The following AGAP1 variants were observed in gnomAD, a reference collection of about 807,000 sequenced individuals.
AGAP1 encodes arf-GAP with GTPase, ANK repeat and PH domain-containing protein 1.
In AGAP1, 29 loss-of-function variants were observed where a neutral mutation model predicts 105.3. The ratio of observed to expected loss-of-function variants is 0.28; its 90% confidence interval spans 0.21 to 0.38. AGAP1 has a LOEUF of 0.38. AGAP1 is among the 10% of genes least tolerant of loss of function. The pLI is 1.00. For missense variants in AGAP1, 998 were observed against 1,165.1 expected, an observed-to-expected ratio of 0.86 and a Z score of 2.09; for synonymous variants, 509 against 485.9, an observed-to-expected ratio of 1.05 and a Z score of -0.63.
intron 1 of AGAP1, among the ~76,000 whole-genome samples, chr2:235,687,546 GAT>G (rs1188709136): frequency 6.6e-6 from 1 of 152,204 alleles, no homozygotes; most frequent in East Asian, 1.9e-4. Flanking sequence ...TTTCCAAACA[GAT>G]ATATTGGATG....
intron 9 of AGAP1, among the ~76,000 whole-genome samples, chr2:235,819,696 GCTCT>G (rs1958674948): frequency 6.6e-6 from 1 of 151,830 alleles, no homozygotes; most frequent in Non-Finnish European, 1.5e-5. Context: ...TTGGGATCTT[GCTCT>G]CTATCTTCCC....
Position 235,692,997 on chromosome 2 carries a change from G to C in AGAP1, c.164-16182G>C, listed in dbSNP as rs998836669. Among the ~76,000 whole-genome samples the C allele has an allele frequency of 6.6e-6, 1 of 152,178 alleles. No homozygotes were observed. The highest frequency in any genetic ancestry group is 1.5e-5 in the Non-Finnish European group (1 of 68,030). On this transcript the variant is annotated intron_variant, in intron 1 of 17. Transcript: ENST00000304032. The surrounding 1 kb of genome is among the most constrained non-coding windows in gnomAD (Gnocchi z 5.8). ...GAGTGTGGCCTGCAGGCCAGTGGCTGAGGCCCAGTGTGGACTGTAGAGTGT... is the reference window on the plus strand; with the variant it reads ...GAGTGTGGCCTGCAGGCCAGTGGCTCAGGCCCAGTGTGGACTGTAGAGTGT...
rs1040997848 is a variant in AGAP1 at position 235,883,596 on chromosome 2, C to T, written c.1155+147C>T. 4 of 627,012 alleles carry T rather than the reference C, an allele frequency of 6.4e-6. No individual in the cohort carries two copies. The highest frequency in any genetic ancestry group is 1.1e-5 in the Non-Finnish European group (4 of 356,596). The allele number at this position is 627,012 out of a possible 1,614,324, so 38.8% of individuals were successfully genotyped here. A position where few individuals can be genotyped will look rare whatever the true frequency, so the allele number is the denominator to read the frequency against. On this transcript the variant is annotated intron_variant, in intron 10 of 17. Coordinates refer to ENST00000304032, the MANE Select transcript of AGAP1 (RefSeq NM_001037131.3). The surrounding 1 kb of genome is among the most constrained non-coding windows in gnomAD (Gnocchi z 4.5). Reference sequence around the variant, plus strand: ...TCCTGCTCAACTGTGAGATAAATAACCCTGTTCCTCACACTCCACTAGACC... The same window carrying T: ...TCCTGCTCAACTGTGAGATAAATAATCCTGTTCCTCACACTCCACTAGACC...
intron 13 of AGAP1, among the ~76,000 whole-genome samples, chr2:235,978,103 A>G (rs1434728048): frequency 6.6e-6 from 1 of 152,150 alleles, no homozygotes; most frequent in Non-Finnish European, 1.5e-5. Context: ...ATGAAGGCCC[A>G]GCCCTCATGG....
intron 9 of AGAP1, among the ~76,000 whole-genome samples, chr2:235,869,125 A>G (rs962645683): frequency 1.7e-4 from 26 of 152,324 alleles, no homozygotes; most frequent in African/African-American, 6.3e-4. Flanking sequence ...CAAACAAGTT[A>G]AAATTTGTCT....
At chr2:235,844,637 C>T (rs779860383) in intron 9 of AGAP1, among the ~76,000 whole-genome samples, 2 of 152,120 alleles carry the variant, frequency 1.3e-5, no homozygotes, top group Non-Finnish European at 2.9e-5. Context: ...TCCCCCTGAC[C>T]GATGTCTGCC....
At chr2:235,890,928 C>T (rs1380876505) in intron 10 of AGAP1, among the ~76,000 whole-genome samples, 1 of 106,934 alleles carries the variant, frequency 9.4e-6, no homozygotes, top group Admixed American at 9.5e-5. Flanking sequence ...GGGTGTAAGA[C>T]TAAAACTGAG....
intron 1 of AGAP1, among the ~76,000 whole-genome samples, chr2:235,702,228 T>C (rs1950291969): frequency 6.6e-6 from 1 of 152,206 alleles, no homozygotes; most frequent in South Asian, 2.1e-4. Context: ...GTTGATAATT[T>C]GGAGGAGAAA....
chr2:236,070,074 G>C (rs146918323), intron 16 of AGAP1, among the ~76,000 whole-genome samples: 33 of 152,366 alleles, frequency 2.2e-4, no homozygotes, highest in South Asian at 8.3e-4. Flanking sequence ...TGCTGGCTGT[G>C]GCGCTGTATG....
intron 16 of AGAP1, among the ~76,000 whole-genome samples, chr2:236,102,229 A>G (rs187431798): frequency 1.7e-3 from 261 of 152,202 alleles, no homozygotes; most frequent in Middle Eastern, 3.4e-3. Flanking sequence ...CATCCTGGCT[A>G]ACACGGTGAA....
rs73118084 is a variant in AGAP1, at chr2:236,001,303, G to T, written c.1645+32680G>T. 0.019 allele frequency among the ~76,000 whole-genome samples: 2,825 copies of T among 152,294 alleles called. 84 individuals carry two copies. The highest frequency in any genetic ancestry group is 0.065 in the African/African-American group (2,700 of 41,546). ...CTCCGAGGAACCCAGAGGAGGAAAC[G>T]CATTTTTGTGGTTTCACGCCACCCA... On this transcript the variant is annotated intron_variant, in intron 13 of 17. Coordinates refer to ENST00000304032, the MANE Select transcript of AGAP1 (RefSeq NM_001037131.3). The surrounding 1 kb of genome is among the most constrained non-coding windows in gnomAD (Gnocchi z 4.7).
At chr2:235,722,549 C>T (rs1301633025) in intron 3 of AGAP1, among the ~76,000 whole-genome samples, 1 of 152,116 alleles carries the variant, frequency 6.6e-6, no homozygotes, top group Non-Finnish European at 1.5e-5. Context: ...CTGCCTCTGT[C>T]ATCACAGTGT....
intron 1 of AGAP1, among the ~76,000 whole-genome samples, chr2:235,602,951 A>G (rs1945781484): frequency 6.6e-6 from 1 of 152,124 alleles, no homozygotes; most frequent in Non-Finnish European, 1.5e-5. Context: ...ATCCTCCTGC[A>G]TCGGCCTCCC....
rs757577232 is a variant in AGAP1 at position 236,020,647 on chromosome 2, ATGAAG to A, written c.1646-15908_1646-15904del. ...ACCTTGAAGGGTAATTGAAGAAGAA[ATGAAG>A]TGAAGCCTGTGAAGTGCTTCCCACA... On this transcript the variant is annotated intron_variant, in intron 13 of 17. Transcript: ENST00000304032. This position sits in a 1 kb window ranked among gnomAD's most constrained non-coding sequence, Gnocchi z 5.0. Among the ~76,000 whole-genome samples the A allele has an allele frequency of 8.5e-5, 13 of 152,224 alleles. No individual in the cohort carries two copies. Among genetic ancestry groups the A allele is most frequent in the African/African-American group, 1.9e-4 (8 of 41,448 alleles).
chr2:235,741,197 A>T lies in AGAP1; in HGVS notation c.396+149A>T. 1 of 590,710 alleles carries T rather than the reference A, an allele frequency of 1.7e-6. No homozygotes were observed. Among genetic ancestry groups the T allele is most frequent in the African/African-American group, 1.9e-5 (1 of 53,902 alleles). The allele number at this position is 590,710 out of a possible 1,614,324, so 36.6% of individuals were successfully genotyped here. On this transcript the variant is annotated intron_variant, in intron 4 of 17. Coordinates refer to ENST00000304032, the MANE Select transcript of AGAP1 (RefSeq NM_001037131.3). This position sits in a 1 kb window ranked among gnomAD's most constrained non-coding sequence, Gnocchi z 4.9. Reference sequence around the variant, plus strand: ...TTTCCTCTCACTGCATTTTTTTCTCATCTCTAAGAAGCTAATTCTTTTTTT... The same window carrying T: ...TTTCCTCTCACTGCATTTTTTTCTCTTCTCTAAGAAGCTAATTCTTTTTTT...
rs1241893530 is a variant in AGAP1 at position 236,020,413 on chromosome 2, C to T, written c.1646-16148C>T. Reference sequence around the variant, plus strand: ...AATGAAACTTAACCTGTTATCTAGACTTTTAAACCTACCCTCCTGCTTCCA... The same window carrying T: ...AATGAAACTTAACCTGTTATCTAGATTTTTAAACCTACCCTCCTGCTTCCA... On this transcript the variant is annotated intron_variant, in intron 13 of 17. Transcript: ENST00000304032. This position sits in a 1 kb window ranked among gnomAD's most constrained non-coding sequence, Gnocchi z 5.0. Among the ~76,000 whole-genome samples, 2 of 152,212 alleles carry T rather than the reference C, an allele frequency of 1.3e-5. No individual in the cohort carries two copies. The highest frequency in any genetic ancestry group is 2.9e-5 in the Non-Finnish European group (2 of 68,046).
intron 1 of AGAP1, among the ~76,000 whole-genome samples, chr2:235,564,562 C>T (rs1156480332): frequency 1.3e-5 from 2 of 152,222 alleles, no homozygotes; most frequent in East Asian, 3.8e-4. Context: ...CTGCCTTGAG[C>T]CTGACACAGG....
chr2:236,126,038 A>T lies in AGAP1; in HGVS notation c.*1916A>T, dbSNP rs1004385490. 4.6e-5 allele frequency: 7 copies of T among 152,158 alleles called. No individual in the cohort carries two copies. The highest frequency in any genetic ancestry group is 8.8e-5 in the Non-Finnish European group (6 of 68,036). The allele number at this position is 152,158 out of a possible 1,614,324, so 9.4% of individuals were successfully genotyped here. A position where few individuals can be genotyped will look rare whatever the true frequency, so the allele number is the denominator to read the frequency against. On this transcript the variant is annotated 3_prime_UTR_variant, in exon 18 of 18. Coordinates refer to ENST00000304032, the MANE Select transcript of AGAP1 (RefSeq NM_001037131.3). ...GTTTTTCCTCTTATTTCACTTTTTA[A>T]AAAAAATTAAAGTAGGTGGGGAAAA...
At chr2:235,774,082 GT>G in intron 6 of AGAP1, 1 of 427,254 alleles carries the variant, frequency 2.3e-6, no homozygotes, top group Non-Finnish European at 4.7e-6. Flanking sequence ...ATCTCAGATT[GT>G]TTTACTGCCT....
Sources: allele counts gnomAD v4.1 joint callset (sites outside exome capture counted in the v4.1 genomes callset), GRCh38; gene constraint gnomAD v4.1.1; non-coding constraint Gnocchi (gnomAD v3.1); transcripts MANE v1.5; gene names NCBI Gene and HGNC (gene_info 2026-07-23, HGNC 2026-07-21).